Variants in PRSS12 observed in about 807,000 individuals in gnomAD.
PRSS12 encodes serine protease 12, also known as neurotrypsin.
In PRSS12, 85 loss-of-function variants were observed where a neutral mutation model predicts 104.4. That is an observed-to-expected ratio of 0.81 (90% confidence interval 0.68 to 0.98). PRSS12 has a LOEUF of 0.98. Among genes scored for constraint, PRSS12 ranks in the 50% least tolerant of loss-of-function variants. The probability of loss-of-function intolerance (pLI) is 0.00; values close to 1 mark genes in which losing one functional copy is unlikely to be tolerated. For synonymous variants in PRSS12, 454 were observed against 425.2 expected (o/e 1.07, Z -0.83); for missense variants, 1,141 against 1,139.2 (o/e 1.00, Z -0.02).
At chr4:118,328,650 G>C (rs553849887) in intron 4 of PRSS12, among the ~76,000 whole-genome samples, 2 of 152,160 alleles carry the variant, frequency 1.3e-5, no homozygotes, top group Non-Finnish European at 2.9e-5. Flanking sequence ...TAGAAAGAGA[G>C]TCTTGCTGTC....
rs1021121858 is a variant in PRSS12, at chr4:118,338,197, A to G, written c.620T>C (p.Ile207Thr). The change falls in exon 2 of 13, where the codon ATT (isoleucine) becomes ACT (threonine). Residue 207 changes from isoleucine (I) to threonine (T), a missense_variant. Transcript: ENST00000296498. ...SHWDDSDASV[I>T]CHQLQLGGKG... The stretch of plus-strand genomic sequence containing the variant: ...TCACCCCAGCTGCAGCTGGTGACAA[A>G]TGACTGATGCATCAGAATCATCCCA... 2 of 1,613,880 alleles carry G rather than the reference A, an allele frequency of 1.2e-6. No individual in the cohort carries two copies. Among genetic ancestry groups the G allele is most frequent in the Non-Finnish European group, 1.7e-6 (2 of 1,179,950 alleles).
chr4:118,299,566 G>A (rs1412404621), intron 8 of PRSS12, among the ~76,000 whole-genome samples: 26 of 151,688 alleles, frequency 1.7e-4, no homozygotes, highest in Admixed American at 1.7e-3. Context: ...TGTAATCCCA[G>A]CTACTTGGGA....
intron 3 of PRSS12, among the ~76,000 whole-genome samples, chr4:118,334,730 G>A (rs916029194): frequency 2.6e-5 from 4 of 152,116 alleles, no homozygotes; most frequent in African/African-American, 9.7e-5. Context: ...ACTGCCCTGG[G>A]CTGACTGCTA....
At chr4:118,319,046 G>A (rs1029686260) in intron 4 of PRSS12, among the ~76,000 whole-genome samples, 1 of 151,876 alleles carries the variant, frequency 6.6e-6, no homozygotes, top group South Asian at 2.1e-4. Context: ...TATTTTAGAC[G>A]CCTAAGTTTT....
At chr4:118,341,120 T>C (rs983003600) in intron 1 of PRSS12, among the ~76,000 whole-genome samples, 5 of 152,142 alleles carry the variant, frequency 3.3e-5, no homozygotes, top group African/African-American at 1.2e-4. Context: ...GGTTCTGGTG[T>C]CTATGGCCCA....
chr4:118,281,593 A>G lies in PRSS12; in HGVS notation c.*343T>C, dbSNP rs1342079443. The G allele has an allele frequency of 2.9e-5, 10 of 345,858 alleles. No homozygotes were observed. The East Asian group carries it at 6.2e-4, about 22-fold the overall frequency. 21.4% of individuals were successfully genotyped at this position (345,858 alleles called of 1,614,324 possible). A position where few individuals can be genotyped will look rare whatever the true frequency, so the allele number is the denominator to read the frequency against. On this transcript the variant is annotated 3_prime_UTR_variant, in exon 13 of 13. Coordinates refer to ENST00000296498, the MANE Select transcript of PRSS12 (RefSeq NM_003619.4). ...TTTAATATGATTTCAGACACCACTG[A>G]TTCAATTAAAAGGGGTTCTCAGTTC...
Position 118,294,955 on chromosome 4 carries a change from C to G in PRSS12, c.2023G>C (p.Ala675Pro), listed in dbSNP as rs765772252. The stretch of plus-strand genomic sequence containing the variant: ...GACACATACCTCTTGAAACAGTGTG[C>G]TGCTGTGAGGACCCAGCAGCTACTC... ...LLSSCWVLTAAHCFKRYGNST... is the reference protein window; with the variant it reads ...LLSSCWVLTAPHCFKRYGNST... Residue 675 changes from alanine (A) to proline (P), a missense_variant, in exon 11 of 13, where the codon GCA becomes CCA. Transcript: ENST00000296498. 17 of 1,614,000 alleles carry G rather than the reference C, an allele frequency of 1.1e-5. No homozygotes were observed. The highest frequency in any genetic ancestry group is 1.7e-5 in the Admixed American group (1 of 60,006).
chr4:118,352,103 C>G, intron 1 of PRSS12, 116 bp downstream of exon 1: 4 of 1,451,906 alleles, frequency 2.8e-6, no homozygotes, highest in Admixed American at 2.1e-5. Flanking sequence ...CCCGCAAACG[C>G]AAGCCCACAA....
intron 1 of PRSS12, among the ~76,000 whole-genome samples, chr4:118,351,776 G>A (rs537459712): frequency 1.2e-4 from 19 of 152,214 alleles, no homozygotes; most frequent in African/African-American, 4.1e-4. Flanking sequence ...AAGAATGGAG[G>A]GAAGGTTATT....
At position 118,282,386 on chromosome 4, in the gene PRSS12, G is replaced by A. The variant is rs1307269241; in HGVS notation, c.2321-143C>T. On this transcript the variant is annotated intron_variant, in intron 12 of 12. Coordinates refer to ENST00000296498, the MANE Select transcript of PRSS12 (RefSeq NM_003619.4). ...AAAATGAGCAATGACTAACTGGTAT[G>A]TACTATTGTTAGCTGCCTTTTTTAA... 13 of 1,084,806 alleles carry A rather than the reference G, an allele frequency of 1.2e-5. 1 individual carries two copies. The East Asian group carries it at 2.5e-4, about 21-fold the overall frequency. The allele number at this position is 1,084,806 out of a possible 1,614,324, so 67.2% of individuals were successfully genotyped here.
chr4:118,302,706 C>A lies in PRSS12; in HGVS notation c.1632-3768G>T, dbSNP rs527866666. 2.6e-5 allele frequency among the ~76,000 whole-genome samples: 4 copies of A among 152,300 alleles called. No homozygotes were observed. The South Asian group carries it at 6.2e-4, about 24-fold the overall frequency. On this transcript the variant is annotated intron_variant, in intron 8 of 12. Coordinates refer to ENST00000296498, the MANE Select transcript of PRSS12 (RefSeq NM_003619.4). ...CCTCCCAAAGTGCTGGGATTACAGG[C>A]GTGAGCCACCGTGCCCAGCTGTATT...
At chr4:118,291,598 G>T (rs1015246169) in intron 11 of PRSS12, among the ~76,000 whole-genome samples, 11 of 151,960 alleles carry the variant, frequency 7.2e-5, no homozygotes, top group Non-Finnish European at 4.4e-5. Flanking sequence ...CTTTCTGCTT[G>T]CCCTTCTTAG....
intron 4 of PRSS12, among the ~76,000 whole-genome samples, chr4:118,329,239 T>C (rs1349419731): frequency 6.6e-6 from 1 of 152,194 alleles, no homozygotes; most frequent in East Asian, 1.9e-4. Context: ...GTAACTGTAA[T>C]GTAACTAATA....
Position 118,352,632 on chromosome 4 carries a change from TGGAG to T in PRSS12, c.85_88del (p.Leu29ThrfsTer73), listed in dbSNP as rs1329482376. On this transcript the variant is annotated frameshift_variant, in exon 1 of 13. Transcript: ENST00000296498. LOFTEE classifies it high-confidence loss of function. ...AGGGGGCGAATGGCGGTGGCTGTGG[TGGAG>T]GGAATCATTGAGGACAGAATCAAAG... The T allele has an allele frequency of 1.9e-6, 3 of 1,611,864 alleles. No individual in the cohort carries two copies. The highest frequency in any genetic ancestry group is 8.5e-7 in the Non-Finnish European group (1 of 1,179,226).
rs201774758 is a variant in PRSS12, at chr4:118,313,312, T to A, written c.1378A>T (p.Thr460Ser). The A allele has an allele frequency of 1.9e-6, 3 of 1,614,084 alleles. No homozygotes were observed. The Admixed American group carries it at 5.0e-5, about 27-fold the overall frequency. ...CGCCTGGAACACTGAAGAAATCTGG[T>A]TTCCTTTCCTGAGCAGCTGACGTCA... ...LDDVSCSGKETRFLQCSRRQW... is the reference protein window; with the variant it reads ...LDDVSCSGKESRFLQCSRRQW... The change falls in exon 7 of 13, where the codon ACC (threonine) becomes TCC (serine). Residue 460 changes from threonine to serine, a missense_variant. By Grantham distance (58) the Thr-to-Ser change is moderately conservative. Transcript: ENST00000296498.
At position 118,281,732 on chromosome 4, in the gene PRSS12, A is replaced by G. The variant is rs1175095392; in HGVS notation, c.*204T>C. 8 of 602,772 alleles carry G rather than the reference A, an allele frequency of 1.3e-5. No individual in the cohort carries two copies. Among genetic ancestry groups the G allele is most frequent in the Non-Finnish European group, 1.8e-5 (6 of 337,144 alleles). 37.3% of individuals were successfully genotyped at this position (602,772 alleles called of 1,614,324 possible). ...AGTGAAATTAGGGTAGAAAATGTTCATTTAAGGATTATCACTTCCACTACA... is the reference window on the plus strand; with the variant it reads ...AGTGAAATTAGGGTAGAAAATGTTCGTTTAAGGATTATCACTTCCACTACA... On this transcript the variant is annotated 3_prime_UTR_variant, in exon 13 of 13. Coordinates refer to ENST00000296498, the MANE Select transcript of PRSS12 (RefSeq NM_003619.4).
At chr4:118,323,579 T>C (rs1299505191) in intron 4 of PRSS12, among the ~76,000 whole-genome samples, 1 of 151,618 alleles carries the variant, frequency 6.6e-6, no homozygotes, top group East Asian at 1.9e-4. Flanking sequence ...GACTAAAATA[T>C]AGGAACATAG....
intron 11 of PRSS12, among the ~76,000 whole-genome samples, 166 bp from the exon 12 acceptor site, chr4:118,283,277 G>C (rs1348669272): frequency 1.3e-5 from 2 of 152,110 alleles, no homozygotes; most frequent in African/African-American, 4.8e-5. Context: ...ATCCTCTACT[G>C]CAAACCCATT....
Position 118,281,838 on chromosome 4 carries a change from C to A in PRSS12, c.*98G>T. 2.6e-6 allele frequency: 2 copies of A among 777,882 alleles called. No individual in the cohort carries two copies. Among genetic ancestry groups the A allele is most frequent in the Admixed American group, 3.5e-5 (2 of 57,886 alleles). 48.2% of individuals were successfully genotyped at this position (777,882 alleles called of 1,614,324 possible). On this transcript the variant is annotated 3_prime_UTR_variant, in exon 13 of 13. Transcript: ENST00000296498. ...TTTTTACCACAACACAAAGCAAAAACAGATCTTGCCATTTGTTGTCATCTC... is the reference window on the plus strand; with the variant it reads ...TTTTTACCACAACACAAAGCAAAAAAAGATCTTGCCATTTGTTGTCATCTC...
Sources: allele counts gnomAD v4.1 joint callset (sites outside exome capture counted in the v4.1 genomes callset), GRCh38; gene constraint gnomAD v4.1.1; transcripts MANE v1.5; gene names NCBI Gene and HGNC (gene_info 2026-07-23, HGNC 2026-07-21).